ZNF697: variants seen among roughly 807,000 people sequenced by gnomAD.
ZNF697 encodes the protein zinc finger protein 697.
In ZNF697, 23 loss-of-function variants were observed where a neutral mutation model predicts 32.4. That is an observed-to-expected ratio of 0.71 (90% CI 0.51 to 1.01). The LOEUF (loss-of-function observed/expected upper bound fraction) is 1.01. Among genes scored for constraint, ZNF697 ranks in the 50% least tolerant of loss-of-function variants. The probability of loss-of-function intolerance (pLI) is 0.00; values close to 1 mark genes in which losing one functional copy is unlikely to be tolerated. For missense variants in ZNF697, 930 were observed against 794.0 expected (o/e 1.17, Z -2.06); for synonymous variants, 418 against 337.2 (o/e 1.24, Z -2.62).
At position 119,622,185 on chromosome 1, in the gene ZNF697, C is replaced by T. The variant is rs1362786920; in HGVS notation, c.*520G>A. ...GGAAAAGTACATTAAATATCCTGTC[C>T]TATGTGACTGACAAGGTTCCCCTAC... On this transcript the variant is annotated 3_prime_UTR_variant, in exon 3 of 3. Transcript: ENST00000421812. 1 of 153,632 alleles carries T rather than the reference C, an allele frequency of 6.5e-6. No homozygotes were observed. The allele number at this position is 153,632 out of a possible 1,614,324, so 9.5% of individuals were successfully genotyped here. A position where few individuals can be genotyped will look rare whatever the true frequency, so the allele number is the denominator to read the frequency against.
intron 1 of ZNF697, among the ~76,000 whole-genome samples, chr1:119,629,764 C>T (rs1202474990): frequency 2.6e-5 from 4 of 152,216 alleles, no homozygotes; most frequent in Admixed American, 1.3e-4. Flanking sequence ...TTCCCAGCTA[C>T]GTTCATGGAG....
At chr1:119,627,440 A>G in intron 1 of ZNF697, among the ~76,000 whole-genome samples, 1 of 152,220 alleles carries the variant, frequency 6.6e-6, no homozygotes, top group East Asian at 1.9e-4. Context: ...GGGTAAGGCT[A>G]CTTAACCTTT....
intron 2 of ZNF697, among the ~76,000 whole-genome samples, chr1:119,625,395 G>C (rs959039895): frequency 6.6e-6 from 1 of 152,192 alleles, no homozygotes; most frequent in African/African-American, 2.4e-5. Flanking sequence ...TGGGCACTTT[G>C]GGAATTAGCC....
chr1:119,628,085 A>C lies in ZNF697; in HGVS notation c.-37-1948T>G, dbSNP rs1370628579. Among the ~76,000 whole-genome samples, 4 of 148,482 alleles carry C rather than the reference A, an allele frequency of 2.7e-5. No homozygotes were observed. In the East Asian group the frequency reaches 6.1e-4, roughly 22 times the overall value. On this transcript the variant is annotated intron_variant, in intron 1 of 2. Coordinates refer to ENST00000421812, the MANE Select transcript of ZNF697 (RefSeq NM_001080470.2). ...GCGGGGCGGGGGGCGGGGGGAGTTA[A>C]GAGGGGATTAATCAATGGTTTCTAC...
chr1:119,624,607 A>G (rs974082797), intron 2 of ZNF697, among the ~76,000 whole-genome samples: 2 of 152,032 alleles, frequency 1.3e-5, no homozygotes, highest in African/African-American at 4.8e-5. Context: ...TTCTCTTTTT[A>G]TTTTTGAGAC....
intron 1 of ZNF697, among the ~76,000 whole-genome samples, chr1:119,629,361 C>T (rs929655893): frequency 6.6e-6 from 1 of 152,166 alleles, no homozygotes; most frequent in African/African-American, 2.4e-5. Context: ...GTCAGATATT[C>T]AGGCATATTT....
At chr1:119,626,817 G>A (rs1035764956) in intron 1 of ZNF697, among the ~76,000 whole-genome samples, 15 of 152,180 alleles carry the variant, frequency 9.9e-5, no homozygotes, top group Non-Finnish European at 1.8e-4. Flanking sequence ...AGTAGGCCTG[G>A]TGGGGCCAAG....
chr1:119,625,622 T>A (rs587623098), intron 2 of ZNF697, among the ~76,000 whole-genome samples: 2 of 152,348 alleles, frequency 1.3e-5, no homozygotes, highest in South Asian at 4.1e-4. Context: ...GGTTAATTTA[T>A]AGCAGCATTC....
Position 119,648,186 on chromosome 1 carries a change from C to T in ZNF697, c.-533G>A, listed in dbSNP as rs867889016. 8.5e-5 allele frequency among the ~76,000 whole-genome samples: 12 copies of T among 140,866 alleles called. No individual in the cohort carries two copies. Among genetic ancestry groups the T allele is most frequent in the African/African-American group, 3.1e-4 (12 of 38,908 alleles). The allele number at this position is 140,866 out of a possible 152,430, so 92.4% of individuals were successfully genotyped here. ...GGCGGCTGCAGCGGCCGCTGGGTGG[C>T]CCGCTGGCTGGCTGGTTGGCTGGCT... On this transcript the variant is annotated 5_prime_UTR_variant, in exon 1 of 3. Coordinates refer to ENST00000421812, the MANE Select transcript of ZNF697 (RefSeq NM_001080470.2).
rs1259027487 is a variant in ZNF697 at position 119,622,901 on chromosome 1, G to A, written c.1442C>T (p.Thr481Met). 6.2e-7 allele frequency: 1 copy of A among 1,602,948 alleles called. No individual in the cohort carries two copies. Among genetic ancestry groups the A allele is most frequent in the Non-Finnish European group, 8.5e-7 (1 of 1,175,822 alleles). ...EKRFSDFSTL[T>M]QHQRTHTGEK... ...GCCCGTGTGCGTGCGCTGGTGCTGC[G>A]TGAGCGTGGAGAAGTCGCTGAAGCG... Residue 481 changes from threonine to methionine, a missense_variant, in exon 3 of 3, where the codon ACG (threonine) becomes ATG (methionine). Coordinates refer to ENST00000421812, the MANE Select transcript of ZNF697 (RefSeq NM_001080470.2).
intron 1 of ZNF697, among the ~76,000 whole-genome samples, chr1:119,631,024 A>T (rs1009085834): frequency 6.6e-6 from 1 of 152,248 alleles, no homozygotes; most frequent in East Asian, 1.9e-4. Context: ...TCCCTATTGA[A>T]CAAGGTCCCC....
At position 119,623,496 on chromosome 1, in the gene ZNF697, G is replaced by A. The variant is rs1255250365; in HGVS notation, c.847C>T (p.His283Tyr). ...NTYLTNHLRL[H>Y]TGERPNLCAD... ...CACAGGTTGGGCCGCTCGCCCGTGT[G>A]CAGGCGCAGGTGGTTGGTCAGGTAG... is the stretch of plus-strand genomic sequence containing the variant. Residue 283 changes from histidine to tyrosine, a missense_variant, in exon 3 of 3, where the codon CAC becomes TAC. Physicochemically the swap from His to Tyr is moderately conservative, Grantham distance 83 (BLOSUM62 2). Transcript: ENST00000421812. The A allele has an allele frequency of 2.5e-6, 4 of 1,570,060 alleles. No individual in the cohort carries two copies. The highest frequency in any genetic ancestry group is 2.6e-6 in the Non-Finnish European group (3 of 1,159,546).
In ZNF697 at chr1:119,637,416, C is replaced by T. The variant is rs138441635; in HGVS notation, c.-38+10275G>A. 5.3e-5 allele frequency among the ~76,000 whole-genome samples: 8 copies of T among 152,218 alleles called. 1 individual carries two copies. The highest frequency in any genetic ancestry group is 3.3e-4 in the Admixed American group (5 of 15,284). On this transcript the variant is annotated intron_variant, in intron 1 of 2. Coordinates refer to ENST00000421812, the MANE Select transcript of ZNF697 (RefSeq NM_001080470.2). The stretch of plus-strand genomic sequence containing the variant: ...GGCAGGGACAGCACCACTCCAAGTA[C>T]ATTTTGCTGTAGAGAATGTATCCAC...
intron 2 of ZNF697, among the ~76,000 whole-genome samples, chr1:119,625,006 G>A (rs1469626093): frequency 1.3e-5 from 2 of 151,490 alleles, no homozygotes; most frequent in Non-Finnish European, 2.9e-5. Context: ...TAGTAGTGGG[G>A]AATAGAGAAA....
In ZNF697 at chr1:119,648,202, T is replaced by TGGTTGGC; in HGVS notation, c.-550_-549insGCCAACC. Among the ~76,000 whole-genome samples the TGGTTGGC allele has an allele frequency of 6.6e-6, 1 of 150,402 alleles. No individual in the cohort carries two copies. Among genetic ancestry groups the TGGTTGGC allele is most frequent in the East Asian group, 2.0e-4 (1 of 5,016 alleles). ...GCTGGGTGGCCCGCTGGCTGGCTGGTTGGCTGGCTGGCTGGCTGGCTGGCT... is the reference window on the plus strand; with the variant it reads ...GCTGGGTGGCCCGCTGGCTGGCTGGTGGTTGGCTGGCTGGCTGGCTGGCTGGCTGGCT... On this transcript the variant is annotated 5_prime_UTR_variant, in exon 1 of 3. Coordinates refer to ENST00000421812, the MANE Select transcript of ZNF697 (RefSeq NM_001080470.2).
At chr1:119,626,195 G>A (rs1648582209) in intron 1 of ZNF697, 58 bp from the exon 2 acceptor site, 26 of 1,542,276 alleles carry the variant, frequency 1.7e-5, no homozygotes, top group South Asian at 3.8e-5. Flanking sequence ...CCCTCACCAC[G>A]CCCAGCCTTA....
chr1:119,633,907 A>T (rs1230033066), intron 1 of ZNF697, among the ~76,000 whole-genome samples: 1 of 152,250 alleles, frequency 6.6e-6, no homozygotes, highest in East Asian at 1.9e-4. Flanking sequence ...CTACACAGCC[A>T]CATGTGTGTG....
Position 119,624,109 on chromosome 1 carries a change from C to A in ZNF697, c.234G>T (p.Gln78His). ...CAGAAACGCCTTCTTCCTCACTCAGCTGCCCCTCTGCAACAGAAAAAGGTG... is the reference window on the plus strand; with the variant it reads ...CAGAAACGCCTTCTTCCTCACTCAGATGCCCCTCTGCAACAGAAAAAGGTG... ...EAVPDICTEG[Q>H]LSEEEGVSVR... The change falls in exon 3 of 3, where the codon CAG becomes CAT. Residue 78 changes from glutamine to histidine, a missense_variant. Gln to His is a conservative substitution (Grantham distance 24). Transcript: ENST00000421812. 6.4e-7 allele frequency: 1 copy of A among 1,564,588 alleles called. No individual in the cohort carries two copies. The highest frequency in any genetic ancestry group is 8.7e-7 in the Non-Finnish European group (1 of 1,152,784).
chr1:119,644,177 G>C (rs949588993), intron 1 of ZNF697, among the ~76,000 whole-genome samples: 1 of 152,198 alleles, frequency 6.6e-6, no homozygotes, highest in East Asian at 1.9e-4. Flanking sequence ...GGGTGGCCTG[G>C]TGTAGTTGAA....
Sources: allele counts gnomAD v4.1 joint callset (sites outside exome capture counted in the v4.1 genomes callset), GRCh38; gene constraint gnomAD v4.1.1; transcripts MANE v1.5; gene names NCBI Gene and HGNC (gene_info 2026-07-23, HGNC 2026-07-21).